KDM4C: variants seen among roughly 807,000 people sequenced by gnomAD.
KDM4C encodes the protein lysine-specific demethylase 4C.
Under a neutral mutation model 129.3 loss-of-function variants are expected in KDM4C, and 81 were observed. The ratio of observed to expected loss-of-function variants is 0.63; its 90% confidence interval spans 0.52 to 0.75. KDM4C has a LOEUF of 0.75. Ranked by LOEUF, KDM4C falls within the 30% of genes least tolerant of loss-of-function variation. The probability of loss-of-function intolerance (pLI) is 0.00; values close to 1 mark genes in which losing one functional copy is unlikely to be tolerated. For missense variants in KDM4C, 1,457 were observed against 1,304.0 expected (o/e 1.12, Z -1.81); for synonymous variants, 573 against 456.1 (o/e 1.26, Z -3.26).
At chr9:6,860,505 C>T (rs1840726181) in intron 5 of KDM4C, among the ~76,000 whole-genome samples, 1 of 152,172 alleles carries the variant, frequency 6.6e-6, no homozygotes, top group Admixed American at 6.5e-5. Flanking sequence ...TAAATAACTA[C>T]TGGGTACTAG....
At chr9:6,959,927 A>G (rs1829745020) in intron 8 of KDM4C, among the ~76,000 whole-genome samples, 1 of 18,158 alleles carries the variant, frequency 5.5e-5, no homozygotes, top group Non-Finnish European at 1.4e-4. Context: ...CAGCTGTGGT[A>G]TAAAATACTG....
upstream of KDM4C, among the ~76,000 whole-genome samples, chr9:6,755,408 G>A (rs1316447341): frequency 6.6e-6 from 1 of 151,810 alleles, no homozygotes; most frequent in East Asian, 1.9e-4. Context: ...GGGCATTATG[G>A]CACATGCCTG....
chr9:6,921,489 C>T (rs775442617), intron 8 of KDM4C, among the ~76,000 whole-genome samples: 1 of 152,160 alleles, frequency 6.6e-6, no homozygotes, highest in Non-Finnish European at 1.5e-5. Context: ...AATCACACAC[C>T]CAATCAATTC....
At chr9:6,822,064 CA>C (rs1018571831) in intron 4 of KDM4C, among the ~76,000 whole-genome samples, 4 of 152,112 alleles carry the variant, frequency 2.6e-5, no homozygotes, top group African/African-American at 9.7e-5. Flanking sequence ...TTTTTAAAAC[CA>C]AAAAACCAAG....
At chr9:6,993,159 A>T (rs1819054683) in intron 12 of KDM4C, among the ~76,000 whole-genome samples, 1 of 152,310 alleles carries the variant, frequency 6.6e-6, no homozygotes, top group Admixed American at 6.5e-5. Flanking sequence ...GAACAGCAAA[A>T]CATGAAAGTT....
chr9:7,096,527 G>C (rs1836457418), intron 17 of KDM4C, among the ~76,000 whole-genome samples: 1 of 152,144 alleles, frequency 6.6e-6, no homozygotes, highest in African/African-American at 2.4e-5. Context: ...TGCCAAGCTA[G>C]AATTCCCAAC....
intron 5 of KDM4C, among the ~76,000 whole-genome samples, chr9:6,861,550 A>T (rs1263007576): frequency 6.6e-6 from 1 of 152,190 alleles, no homozygotes; most frequent in Non-Finnish European, 1.5e-5. Flanking sequence ...CCATATTTTG[A>T]TTGTCAGTGA....
chr9:6,935,955 A>G (rs1824705019), intron 8 of KDM4C, among the ~76,000 whole-genome samples: 1 of 151,150 alleles, frequency 6.6e-6, no homozygotes, highest in Non-Finnish European at 1.5e-5. Flanking sequence ...TTAAAATGTC[A>G]TCTTCTTGTT....
intron 5 of KDM4C, among the ~76,000 whole-genome samples, chr9:6,875,677 T>C (rs1474309148): frequency 6.6e-6 from 1 of 152,186 alleles, no homozygotes; most frequent in East Asian, 1.9e-4. Context: ...TGCCATATGA[T>C]AGTAGATGTG....
chr9:6,799,637 CT>C (rs1226525091), intron 2 of KDM4C, among the ~76,000 whole-genome samples: 15 of 131,786 alleles, frequency 1.1e-4, no homozygotes, highest in African/African-American at 4.5e-4. Flanking sequence ...GCTCTTTTTT[CT>C]TTTCTTTTTT....
chr9:7,047,632 C>T (rs1421971496), intron 16 of KDM4C, among the ~76,000 whole-genome samples: 1 of 151,908 alleles, frequency 6.6e-6, no homozygotes, highest in East Asian at 1.9e-4. Flanking sequence ...CAGGCTGGCA[C>T]TTGAGGGCCA....
At chr9:7,079,425 C>T (rs939131674) in intron 17 of KDM4C, among the ~76,000 whole-genome samples, 2 of 152,118 alleles carry the variant, frequency 1.3e-5, no homozygotes, top group Admixed American at 6.5e-5. Context: ...CTGGTTCAAG[C>T]GATTCTCCTG....
chr9:6,986,552 T>C lies in KDM4C; in HGVS notation c.1563T>C (p.Asn521=), dbSNP rs746106819. Residue 521 remains asparagine, a synonymous_variant, in exon 11 of 22, where the codon AAT becomes AAC. Coordinates refer to ENST00000381309, the MANE Select transcript of KDM4C (RefSeq NM_015061.6). The part of the protein sequence containing the change: ...PESCSSVAES[N]GVLTEGEESD... The stretch of plus-strand genomic sequence containing the variant: ...CATGCTCATCAGTGGCAGAGAGTAA[T>C]GGTGTGTTAACAGAGGGAGAAGAGA... The C allele has an allele frequency of 3.7e-6, 6 of 1,613,794 alleles. No individual in the cohort carries two copies. In the Admixed American group the frequency reaches 8.3e-5, roughly 22 times the overall value.
At chr9:7,005,756 A>G (rs1821553594) in intron 12 of KDM4C, among the ~76,000 whole-genome samples, 1 of 152,180 alleles carries the variant, frequency 6.6e-6, no homozygotes, top group South Asian at 2.1e-4. Flanking sequence ...TGGCTATCTC[A>G]TATAACTTGT....
chr9:6,973,086 T>C (rs1361840310), intron 8 of KDM4C, among the ~76,000 whole-genome samples: 4 of 152,236 alleles, frequency 2.6e-5, no homozygotes, highest in South Asian at 2.1e-4. Context: ...TATTTACTTA[T>C]AGTACTACTG....
chr9:6,974,914 C>T (rs1401518369), intron 8 of KDM4C: 1 of 152,170 alleles, frequency 6.6e-6, no homozygotes, highest in African/African-American at 2.4e-5. Context: ...CTCTGAACTT[C>T]CACAACCTTT....
At chr9:7,105,483 T>G (rs1361148922) in intron 18 of KDM4C, 1 of 470,868 alleles carries the variant, frequency 2.1e-6, no homozygotes, top group African/African-American at 2.0e-5. Context: ...TGCTACAATC[T>G]TATGTGAACT....
intron 6 of KDM4C, among the ~76,000 whole-genome samples, chr9:6,884,079 A>G (rs892197476): frequency 3.3e-5 from 5 of 152,100 alleles, no homozygotes; most frequent in Non-Finnish European, 5.9e-5. Flanking sequence ...TGTTTAGGAG[A>G]AGCGCCATTC....
rs189597743 is a variant in KDM4C at position 6,865,477 on chromosome 9, A to G, written c.630-14535A>G. ...CTTGCTTTGTCCATTTGAGAAGGTCATGGTTCCCTGTTTGCTATTGTTTCT... is the reference window on the plus strand; with the variant it reads ...CTTGCTTTGTCCATTTGAGAAGGTCGTGGTTCCCTGTTTGCTATTGTTTCT... On this transcript the variant is annotated intron_variant, in intron 5 of 21. Transcript: ENST00000381309. Among the ~76,000 whole-genome samples, 13 of 152,280 alleles carry G rather than the reference A, an allele frequency of 8.5e-5. No individual in the cohort carries two copies. The East Asian group carries it at 2.1e-3, about 25-fold the overall frequency.
Sources: allele counts gnomAD v4.1 joint callset (sites outside exome capture counted in the v4.1 genomes callset), GRCh38; gene constraint gnomAD v4.1.1; transcripts MANE v1.5; gene names NCBI Gene and HGNC (gene_info 2026-07-23, HGNC 2026-07-21).